The following ARID4A variants were observed in gnomAD, a reference collection of about 807,000 sequenced individuals.
ARID4A encodes the protein AT-rich interaction domain 4A, also known as AT-rich interactive domain-containing protein 4A.
A neutral mutation model predicts 148.6 loss-of-function variants in ARID4A; 39 were observed. The ratio of observed to expected loss-of-function variants is 0.26; its 90% confidence interval spans 0.20 to 0.34. The LOEUF (loss-of-function observed/expected upper bound fraction) is 0.34. Ranked by LOEUF, ARID4A falls within the 10% of genes least tolerant of loss-of-function variation. The pLI, the probability that ARID4A is intolerant of heterozygous loss-of-function variation, is 1.00. For synonymous variants in ARID4A, 475 were observed against 481.2 expected, an observed-to-expected ratio of 0.99 and a Z score of 0.17; for missense variants, 1,265 against 1,449.1, an observed-to-expected ratio of 0.87 and a Z score of 2.06.
chr14:58,347,204 G>A, intron 14 of ARID4A, 87 bp downstream of exon 14: 1 of 670,654 alleles, frequency 1.5e-6, no homozygotes, highest in East Asian at 3.4e-5. Flanking sequence ...CATCAATCTA[G>A]AAACATTAAA....
chr14:58,298,888 C>T (rs572415654), intron 1 of ARID4A, among the ~76,000 whole-genome samples, 188 bp downstream of exon 1: 134 of 152,322 alleles, frequency 8.8e-4, no homozygotes, highest in African/African-American at 3.0e-3. Flanking sequence ...CAGGAACCGC[C>T]GCCGCAGTTG....
At position 58,307,460 on chromosome 14, in the gene ARID4A, G is replaced by A. The variant is rs532791030; in HGVS notation, c.274+1348G>A. 3.3e-5 allele frequency among the ~76,000 whole-genome samples: 5 copies of A among 152,294 alleles called. No individual in the cohort carries two copies. In the South Asian group the frequency reaches 8.3e-4, roughly 25 times the overall value. ...TAGAATTTAGTGTTGGTTCACAGTG[G>A]TGCTATTATTCTGAACTACATATTT... On this transcript the variant is annotated intron_variant, in intron 5 of 23. Transcript: ENST00000355431.
intron 11 of ARID4A, among the ~76,000 whole-genome samples, chr14:58,334,538 A>G (rs1300980543): frequency 1.3e-5 from 2 of 152,216 alleles, no homozygotes; most frequent in Non-Finnish European, 2.9e-5. Context: ...ACTATTGGTC[A>G]GTTCCCAATT....
intron 20 of ARID4A, 51 bp from the exon 21 acceptor site, chr14:58,365,467 C>CTTTTTTTTTTTTTT (rs71107938): frequency 3.7e-5 from 13 of 351,582 alleles, no homozygotes; most frequent in East Asian, 5.6e-5. Flanking sequence ...TATACTTGCT[C>CTTTTTTTTTTTTTT]TTTTTTTTTT....
At chr14:58,351,633 G>T in intron 16 of ARID4A, 2 of 229,394 alleles carry the variant, frequency 8.7e-6, no homozygotes. Flanking sequence ...TGGAGGAAGT[G>T]GACAAGAGGA....
chr14:58,358,657 A>G (rs933763870), intron 17 of ARID4A, among the ~76,000 whole-genome samples: 1 of 152,182 alleles, frequency 6.6e-6, no homozygotes, highest in Non-Finnish European at 1.5e-5. Flanking sequence ...AATACTAGAG[A>G]GAGTGTTGAG....
chr14:58,359,899 T>A (rs1172900420), intron 18 of ARID4A, among the ~76,000 whole-genome samples: 1 of 152,202 alleles, frequency 6.6e-6, no homozygotes, highest in East Asian at 1.9e-4. Flanking sequence ...ACCCCATCTC[T>A]ACTAAATATA....
intron 2 of ARID4A, 72 bp downstream of exon 2, chr14:58,299,932 T>C: frequency 6.2e-7 from 1 of 1,601,770 alleles, no homozygotes; most frequent in Non-Finnish European, 8.6e-7. Context: ...TGCCGTGGAA[T>C]GTCATTTGTT....
In ARID4A at chr14:58,347,755, A is replaced by G; in HGVS notation, c.1281A>G (p.Ser427=). ...AGGAAAAAAAAGACTTAGAAGAATC[A>G]ATGGAAGAGGCTCTCAAATTAGATC... ...VKEEKKDLEE[S]MEEALKLDQE... The change falls in exon 15 of 24, where the codon TCA becomes TCG. Residue 427 remains serine (S), a synonymous_variant. Transcript: ENST00000355431. 6.2e-7 allele frequency: 1 copy of G among 1,613,844 alleles called. No homozygotes were observed. Among genetic ancestry groups the G allele is most frequent in the Non-Finnish European group, 8.5e-7 (1 of 1,179,772 alleles).
At chr14:58,365,479 T>G in intron 20 of ARID4A, 39 bp from the exon 21 acceptor site, 1 of 1,197,248 alleles carries the variant, frequency 8.4e-7, no homozygotes, top group East Asian at 2.7e-5. Flanking sequence ...TTTTTTTTTT[T>G]TTTTTTTTTT....
At chr14:58,345,212 T>TA (rs2034302975) in intron 12 of ARID4A, among the ~76,000 whole-genome samples, 1 of 152,178 alleles carries the variant, frequency 6.6e-6, no homozygotes, top group Admixed American at 6.6e-5. Flanking sequence ...TAGAATCAGT[T>TA]ACACCTGACA....
chr14:58,355,702 G>T (rs1056180545), intron 17 of ARID4A, among the ~76,000 whole-genome samples: 1 of 152,136 alleles, frequency 6.6e-6, no homozygotes, highest in African/African-American at 2.4e-5. Flanking sequence ...GAATTCAGGG[G>T]AAAAGGAATA....
At position 58,365,162 on chromosome 14, in the gene ARID4A, A is replaced by G. The variant is rs761983521; in HGVS notation, c.3073A>G (p.Ile1025Val). The change falls in exon 20 of 24, where the codon ATA becomes GTA. Residue 1025 changes from isoleucine (I) to valine (V), a missense_variant. By Grantham distance (29) the Ile-to-Val change is conservative. Around this residue, in one of 9 missense-constraint regions of ARID4A, gnomAD observed 666 missense variants for 730.9 expected, o/e 0.91. Transcript: ENST00000355431. ...TCGAAGCGTAAAAAGTGAGAGTGATATAACGATTGAAGTTGATAGTATTGC... is the reference window on the plus strand; with the variant it reads ...TCGAAGCGTAAAAAGTGAGAGTGATGTAACGATTGAAGTTGATAGTATTGC... ...ESRSVKSESD[I>V]TIEVDSIAEE... is the part of the protein sequence containing the mutation. The G allele has an allele frequency of 5.0e-6, 8 of 1,614,146 alleles. No individual in the cohort carries two copies. The highest frequency in any genetic ancestry group is 3.3e-5 in the South Asian group (3 of 91,084).
chr14:58,341,349 T>C (rs1474236192), intron 11 of ARID4A, among the ~76,000 whole-genome samples: 1 of 152,252 alleles, frequency 6.6e-6, no homozygotes, highest in African/African-American at 2.4e-5. Flanking sequence ...AATCCCAGCC[T>C]GCCTTTGTCA....
At chr14:58,332,571 T>A (rs1183767327) in intron 11 of ARID4A, among the ~76,000 whole-genome samples, 1 of 152,150 alleles carries the variant, frequency 6.6e-6, no homozygotes, top group Non-Finnish European at 1.5e-5. Context: ...GAACAGTTAT[T>A]TTTTAAAAGT....
At chr14:58,364,142 T>C (rs756046547) in intron 19 of ARID4A, 28 bp from the exon 20 acceptor site, 5 of 1,164,568 alleles carry the variant, frequency 4.3e-6, no homozygotes, top group Non-Finnish European at 5.7e-6. Context: ...TAAAAACCTG[T>C]ATAATATAAT....
chr14:58,361,159 A>C, intron 19 of ARID4A, 117 bp downstream of exon 19: 1 of 1,405,982 alleles, frequency 7.1e-7, no homozygotes, highest in Non-Finnish European at 9.4e-7. Flanking sequence ...AAATAATAAA[A>C]CTTCCATTGT....
chr14:58,307,298 C>T (rs574476809), intron 5 of ARID4A, among the ~76,000 whole-genome samples: 9 of 152,272 alleles, frequency 5.9e-5, no homozygotes, highest in Admixed American at 1.3e-4. Context: ...CATTCACATC[C>T]AGTTGATGCT....
intron 8 of ARID4A, among the ~76,000 whole-genome samples, chr14:58,326,233 C>T (rs772068411): frequency 6.6e-6 from 1 of 152,044 alleles, no homozygotes; most frequent in Non-Finnish European, 1.5e-5. Context: ...GTCAGGAGAT[C>T]GAGACCATCC....
Sources: gnomAD v4.1 joint callset for allele counts (sites outside exome capture counted in the v4.1 genomes callset) on GRCh38, gnomAD v4.1.1 for gene constraint, gnomAD v4.1.1 regional missense constraint, MANE v1.5 for transcripts, NCBI Gene and HGNC (gene_info 2026-07-23, HGNC 2026-07-21) for gene names.